Variants in GBE1 observed in about 807,000 individuals in gnomAD.
The protein encoded by GBE1 is 1,4-alpha-glucan branching enzyme 1, also known as 1,4-alpha-glucan-branching enzyme.
In GBE1, 70 loss-of-function variants were observed where a neutral mutation model predicts 88.8. The ratio of observed to expected loss-of-function variants is 0.79; its 90% CI spans 0.65 to 0.96. The LOEUF (loss-of-function observed/expected upper bound fraction) is 0.96. GBE1 is among the 40% of genes least tolerant of loss of function. The pLI is 0.00. For synonymous variants in GBE1, 284 were observed against 300.1 expected (o/e 0.95, Z 0.56); for missense variants, 872 against 871.0 (o/e 1.00, Z -0.01).
Position 81,761,570 on chromosome 3 carries a change from C to T in GBE1, c.-53G>A, listed in dbSNP as rs765211671. 1.3e-6 allele frequency: 2 copies of T among 1,556,960 alleles called. No homozygotes were observed. Among genetic ancestry groups the T allele is most frequent in the South Asian group, 1.2e-5 (1 of 86,058 alleles). ...CCCGAGAGGTCGAGTGGGGCCTGAG[C>T]GGGCGCTGGAGCTCTAGCTGGGACG... On this transcript the variant is annotated 5_prime_UTR_variant, in exon 1 of 16. Coordinates refer to ENST00000429644, the MANE Select transcript of GBE1 (RefSeq NM_000158.4).
intron 12 of GBE1, among the ~76,000 whole-genome samples, chr3:81,549,476 A>G (rs1284467098): frequency 6.6e-6 from 1 of 151,578 alleles, no homozygotes; most frequent in Non-Finnish European, 1.5e-5. Flanking sequence ...GCTTGACTTT[A>G]AAGCCAATAA....
chr3:81,497,438 T>G (rs1702515313), intron 15 of GBE1, among the ~76,000 whole-genome samples: 2 of 152,226 alleles, frequency 1.3e-5, no homozygotes, highest in Admixed American at 1.3e-4. Context: ...AAAGAGTTTC[T>G]GCTTCCTAAG....
intron 7 of GBE1, among the ~76,000 whole-genome samples, chr3:81,614,290 G>A (rs9814734): frequency 0.65 from 98,748 of 152,012 alleles, 33,744 homozygotes; most frequent in East Asian, 0.91. Flanking sequence ...ATCTAATCTA[G>A]GGGGGGAAAA....
chr3:81,748,473 T>C (rs976947575), intron 1 of GBE1, among the ~76,000 whole-genome samples: 1 of 150,230 alleles, frequency 6.7e-6, no homozygotes, highest in African/African-American at 2.5e-5. Flanking sequence ...TAGCCGGGTG[T>C]GGTGGCGGGC....
At chr3:81,729,157 T>G (rs1418472606) in intron 1 of GBE1, among the ~76,000 whole-genome samples, 2 of 152,140 alleles carry the variant, frequency 1.3e-5, no homozygotes, top group African/African-American at 2.4e-5. Flanking sequence ...AATTCCACTA[T>G]AAAATGGAAA....
intron 2 of GBE1, among the ~76,000 whole-genome samples, chr3:81,680,612 A>G (rs1332486220): frequency 1.3e-5 from 2 of 152,066 alleles, no homozygotes; most frequent in African/African-American, 2.4e-5. Flanking sequence ...CTTTGCTGTG[A>G]CTTGCATTAT....
chr3:81,741,580 C>T (rs921480175), intron 1 of GBE1, among the ~76,000 whole-genome samples: 1 of 151,862 alleles, frequency 6.6e-6, no homozygotes, highest in Non-Finnish European at 1.5e-5. Flanking sequence ...GGAAAAGCCC[C>T]ATTTTCTCCC....
chr3:81,507,019 C>A (rs1309265052), intron 14 of GBE1, among the ~76,000 whole-genome samples: 2 of 152,020 alleles, frequency 1.3e-5, no homozygotes, highest in African/African-American at 2.4e-5. Context: ...ACCCCCATGA[C>A]ACAAGTTTAC....
chr3:81,495,031 A>C (rs1433882319), intron 15 of GBE1, among the ~76,000 whole-genome samples: 1 of 152,244 alleles, frequency 6.6e-6, no homozygotes, highest in Non-Finnish European at 1.5e-5. Context: ...AATTTAAAAA[A>C]TTCCCTTAGA....
intron 7 of GBE1, among the ~76,000 whole-genome samples, chr3:81,631,598 T>A (rs1272068575): frequency 6.7e-6 from 1 of 149,686 alleles, no homozygotes; most frequent in Non-Finnish European, 1.5e-5. Flanking sequence ...AAACAAAAAA[T>A]TAGCCAGGTG....
At chr3:81,726,084 C>G (rs3772893) in intron 1 of GBE1, among the ~76,000 whole-genome samples, 10,689 of 151,654 alleles carry the variant, frequency 0.07, 723 homozygotes, top group African/African-American at 0.17. Context: ...GGAATATGAA[C>G]CACATTAATA....
chr3:81,704,240 G>A (rs536522833), intron 2 of GBE1, among the ~76,000 whole-genome samples: 21 of 151,766 alleles, frequency 1.4e-4, no homozygotes, highest in Non-Finnish European at 2.2e-4. Context: ...TCTGAATTAC[G>A]TAAGTGGCTT....
At chr3:81,753,770 C>A (rs1331645237) in intron 1 of GBE1, among the ~76,000 whole-genome samples, 1 of 152,196 alleles carries the variant, frequency 6.6e-6, no homozygotes, top group Admixed American at 6.5e-5. Context: ...GCAAATGAAT[C>A]TAGTAGTGCA....
At chr3:81,682,779 C>T (rs1468627466) in intron 2 of GBE1, among the ~76,000 whole-genome samples, 5 of 152,110 alleles carry the variant, frequency 3.3e-5, no homozygotes. Context: ...AAACACATGT[C>T]AACACAAAAA....
intron 1 of GBE1, among the ~76,000 whole-genome samples, chr3:81,760,260 C>T (rs140167634): frequency 4.5e-4 from 69 of 152,314 alleles, no homozygotes; most frequent in African/African-American, 1.7e-3. Context: ...ATCCCTAGAG[C>T]AGTGTTTTAT....
intron 1 of GBE1, among the ~76,000 whole-genome samples, chr3:81,744,143 C>T (rs1023692276): frequency 1.3e-5 from 2 of 152,018 alleles, no homozygotes; most frequent in African/African-American, 4.8e-5. Flanking sequence ...CCCACCTGCA[C>T]TGTCTAATAT....
intron 2 of GBE1, among the ~76,000 whole-genome samples, chr3:81,702,750 T>C (rs1266723928): frequency 6.6e-6 from 1 of 152,088 alleles, no homozygotes; most frequent in African/African-American, 2.4e-5. Context: ...ATTTTTACAA[T>C]AAAATATGGG....
intron 1 of GBE1, among the ~76,000 whole-genome samples, chr3:81,722,494 A>G (rs1706047675): frequency 6.6e-6 from 1 of 151,958 alleles, no homozygotes; most frequent in Non-Finnish European, 1.5e-5. Context: ...TAAATTATGA[A>G]AGGATCTATA....
chr3:81,750,675 G>C, intron 1 of GBE1, among the ~76,000 whole-genome samples: 1 of 55,046 alleles, frequency 1.8e-5, no homozygotes, highest in South Asian at 4.6e-4. Context: ...ATATATATAC[G>C]TATATATATA....
Sources: allele counts gnomAD v4.1 joint callset (sites outside exome capture counted in the v4.1 genomes callset), GRCh38; gene constraint gnomAD v4.1.1; transcripts MANE v1.5; gene names NCBI Gene and HGNC (gene_info 2026-07-23, HGNC 2026-07-21).